CLASP1: variants seen among roughly 807,000 people sequenced by gnomAD.
CLASP1 encodes the protein cytoplasmic linker associated protein 1.
In CLASP1, 38 loss-of-function variants were observed where a neutral mutation model predicts 192.3. That is an observed-to-expected ratio of 0.20 (90% CI 0.15 to 0.26). CLASP1 has a LOEUF of 0.26. CLASP1 is among the 10% of genes least tolerant of loss of function. The probability of loss-of-function intolerance (pLI) is 1.00; values close to 1 mark genes in which losing one functional copy is unlikely to be tolerated. For missense variants in CLASP1, 1,433 were observed against 1,932.5 expected, an observed-to-expected ratio of 0.74 and a Z score of 4.85; for synonymous variants, 691 against 712.8, an observed-to-expected ratio of 0.97 and a Z score of 0.49.
At chr2:121,578,554 C>G (rs926556679) in intron 2 of CLASP1, among the ~76,000 whole-genome samples, 5 of 151,460 alleles carry the variant, frequency 3.3e-5, no homozygotes, top group Admixed American at 3.3e-4. Context: ...ACGGTGAAAC[C>G]CCATCTCTAC....
At chr2:121,364,944 G>T in intron 36 of CLASP1, 150 bp downstream of exon 37, 1 of 789,238 alleles carries the variant, frequency 1.3e-6, no homozygotes, top group Non-Finnish European at 2.1e-6. Flanking sequence ...AACGTGCTCA[G>T]AAAATATGTG....
At chr2:121,366,895 A>G (rs1418716619) in intron 35 of CLASP1, among the ~76,000 whole-genome samples, 1 of 152,238 alleles carries the variant, frequency 6.6e-6, no homozygotes, top group Non-Finnish European at 1.5e-5. Flanking sequence ...AGTAATGGAC[A>G]CTGGTCTTAA....
chr2:121,610,534 G>A (rs540076443), intron 1 of CLASP1, among the ~76,000 whole-genome samples: 30 of 150,240 alleles, frequency 2.0e-4, no homozygotes, highest in Admixed American at 1.6e-3. Flanking sequence ...GGAGTTACAG[G>A]AGGAAGAGGA....
chr2:121,424,942 T>G (rs764177834), intron 22 of CLASP1, among the ~76,000 whole-genome samples, 197 bp downstream of exon 22: 1 of 152,130 alleles, frequency 6.6e-6, no homozygotes, highest in African/African-American at 2.4e-5. Flanking sequence ...TCCCATCAAT[T>G]TGAAGGGTTA....
chr2:121,455,986 A>C (rs905814207), intron 14 of CLASP1, among the ~76,000 whole-genome samples: 1 of 152,194 alleles, frequency 6.6e-6, no homozygotes, highest in African/African-American at 2.4e-5. Flanking sequence ...TAAGTTCAAG[A>C]GATCGATTGC....
intron 1 of CLASP1, among the ~76,000 whole-genome samples, chr2:121,616,760 C>T (rs1464613262): frequency 6.6e-6 from 1 of 152,180 alleles, no homozygotes; most frequent in East Asian, 1.9e-4. Flanking sequence ...CTGTCCTTTC[C>T]TTCTCTTTTT....
At chr2:121,439,237 T>C (rs1034341909) in intron 19 of CLASP1, among the ~76,000 whole-genome samples, 9 of 152,254 alleles carry the variant, frequency 5.9e-5, no homozygotes, top group Non-Finnish European at 1.0e-4. Context: ...ATTAGTCTTG[T>C]TAGCAGTCTA....
intron 6 of CLASP1, among the ~76,000 whole-genome samples, chr2:121,517,891 T>TTTA (rs2094351427): frequency 1.3e-5 from 1 of 75,174 alleles, no homozygotes; most frequent in Non-Finnish European, 3.0e-5. Flanking sequence ...TTTTTTTTTT[T>TTTA]AGAAAAAGGA....
intron 3 of CLASP1, among the ~76,000 whole-genome samples, chr2:121,529,604 C>G (rs1446336593): frequency 2.0e-5 from 3 of 152,074 alleles, no homozygotes; most frequent in Non-Finnish European, 4.4e-5. Flanking sequence ...CATGAAACAC[C>G]GGAGGTCAGG....
intron 1 of CLASP1, among the ~76,000 whole-genome samples, chr2:121,620,995 G>A (rs546940711): frequency 2.6e-5 from 4 of 152,218 alleles, no homozygotes; most frequent in East Asian, 3.9e-4. Flanking sequence ...TTGGGAGGCC[G>A]AGACGGGCAG....
chr2:121,415,312 C>T (rs992060456), intron 23 of CLASP1, among the ~76,000 whole-genome samples: 2 of 152,112 alleles, frequency 1.3e-5, no homozygotes, highest in Non-Finnish European at 2.9e-5. Flanking sequence ...GTTAATGGTA[C>T]CTACCTCTTG....
chr2:121,628,547 A>T (rs573430783), intron 1 of CLASP1, among the ~76,000 whole-genome samples: 13 of 151,986 alleles, frequency 8.6e-5, no homozygotes, highest in African/African-American at 2.9e-4. Context: ...ATGGTGGTGC[A>T]CGCCTGTAAC....
chr2:121,564,304 G>C (rs977609666), intron 2 of CLASP1, among the ~76,000 whole-genome samples: 3 of 152,130 alleles, frequency 2.0e-5, no homozygotes, highest in African/African-American at 7.2e-5. Context: ...CATGTTTTAG[G>C]AATCTATTCT....
intron 12 of CLASP1, 148 bp from the exon 13 acceptor site, chr2:121,459,123 A>C (rs2087309704): frequency 1.9e-6 from 1 of 528,088 alleles, no homozygotes; most frequent in Non-Finnish European, 3.2e-6. Context: ...AGAACTTGGC[A>C]AATAGTTCTT....
intron 21 of CLASP1, 114 bp downstream of exon 21, chr2:121,427,290 A>G: frequency 7.7e-7 from 1 of 1,290,476 alleles, no homozygotes. Flanking sequence ...AAACGCAGAA[A>G]GATTAACTAA....
chr2:121,523,936 G>C lies in CLASP1; in HGVS notation c.546+1909C>G, dbSNP rs866110333. ...AAATGGGGGTGAGTGAGGGGACCCTGTGGGATGGACTGCAGTGTGGTGCAC... is the reference window on the plus strand; with the variant it reads ...AAATGGGGGTGAGTGAGGGGACCCTCTGGGATGGACTGCAGTGTGGTGCAC... On this transcript the variant is annotated intron_variant, in intron 6 of 39. Transcript: ENST00000263710. 3.9e-5 allele frequency among the ~76,000 whole-genome samples: 6 copies of C among 152,356 alleles called. No homozygotes were observed. The Middle Eastern group carries it at 0.014, about 345-fold the overall frequency.
intron 2 of CLASP1, among the ~76,000 whole-genome samples, chr2:121,541,693 A>G (rs759161533): frequency 6.6e-6 from 1 of 152,180 alleles, no homozygotes; most frequent in Non-Finnish European, 1.5e-5. Flanking sequence ...CTGGCTTTGT[A>G]AGCACATCTT....
At chr2:121,348,427 A>T in intron 38 of CLASP1, 85 bp downstream of exon 39, 1 of 1,240,600 alleles carries the variant, frequency 8.1e-7, no homozygotes, top group Non-Finnish European at 1.1e-6. Context: ...CTGCCAGTGA[A>T]GGAGGAGCAC....
chr2:121,448,341 T>C lies in CLASP1; in HGVS notation c.1692-16A>G, dbSNP rs757692271. ...CAGCGGACGACTAAAAGTAAAGATG[T>C]ATATTATTTATTACATGTACTGTAC... On this transcript the variant is annotated splice_polypyrimidine_tract_variant and intron_variant, in intron 17 of 39. Coordinates refer to ENST00000263710, the Ensembl canonical transcript of CLASP1. The C allele has an allele frequency of 5.1e-6, 8 of 1,576,150 alleles. No individual in the cohort carries two copies. Among genetic ancestry groups the C allele is most frequent in the Non-Finnish European group, 7.0e-6 (8 of 1,145,618 alleles).
Sources: allele counts gnomAD v4.1 joint callset (sites outside exome capture counted in the v4.1 genomes callset), GRCh38; gene constraint gnomAD v4.1.1; transcripts MANE v1.5; gene names NCBI Gene and HGNC (gene_info 2026-07-23, HGNC 2026-07-21).